Variants in PRICKLE1 observed in about 807,000 individuals in gnomAD.
PRICKLE1 encodes the protein prickle planar cell polarity protein 1, also known as prickle-like protein 1.
A neutral mutation model predicts 70.2 loss-of-function variants in PRICKLE1; 14 were observed. The observed-to-expected ratio is 0.20, with a 90% CI of 0.13 to 0.31. The LOEUF (loss-of-function observed/expected upper bound fraction) is 0.31, where lower values mean the gene tolerates loss of function less well. PRICKLE1 is among the 10% of genes least tolerant of loss of function. PRICKLE1 has a pLI of 1.00. For missense variants in PRICKLE1, 821 were observed against 1,026.2 expected (o/e 0.80, Z 2.73); for synonymous variants, 357 against 379.9 (o/e 0.94, Z 0.70).
chr12:42,583,224 T>C (rs1050237149), intron 1 of PRICKLE1, among the ~76,000 whole-genome samples: 1 of 151,936 alleles, frequency 6.6e-6, no homozygotes, highest in African/African-American at 2.4e-5. Flanking sequence ...CTGGCCAACA[T>C]AGAAAAAGGT....
chr12:42,538,785 G>T (rs1324227946), intron 1 of PRICKLE1, among the ~76,000 whole-genome samples: 2 of 152,152 alleles, frequency 1.3e-5, no homozygotes, highest in Non-Finnish European at 2.9e-5. Context: ...TACAAGGGAA[G>T]TAAGTTTTCC....
chr12:42,461,029 G>C (rs1042895496), intron 7 of PRICKLE1, among the ~76,000 whole-genome samples: 2 of 152,108 alleles, frequency 1.3e-5, no homozygotes, highest in African/African-American at 4.8e-5. Flanking sequence ...TTACAGGCAT[G>C]TGCCACCACA....
intron 1 of PRICKLE1, among the ~76,000 whole-genome samples, chr12:42,504,380 C>T (rs1314234247): frequency 6.6e-6 from 1 of 152,180 alleles, no homozygotes; most frequent in Admixed American, 6.6e-5. Context: ...TCAAAGAATA[C>T]CTGCCTCCAA....
intron 1 of PRICKLE1, among the ~76,000 whole-genome samples, chr12:42,515,770 T>C (rs1593149738): frequency 1.3e-5 from 2 of 152,324 alleles, no homozygotes; most frequent in East Asian, 3.9e-4. Context: ...ATCCTTCACA[T>C]GAGAACTTGT....
chr12:42,486,219 T>C (rs1056562611), intron 1 of PRICKLE1, among the ~76,000 whole-genome samples: 2 of 152,202 alleles, frequency 1.3e-5, no homozygotes, highest in African/African-American at 4.8e-5. Flanking sequence ...CTCCCTCCAT[T>C]TGCAATATTT....
chr12:42,580,899 AGGAAGGAC>A (rs1268828353), intron 1 of PRICKLE1, among the ~76,000 whole-genome samples: 5 of 152,150 alleles, frequency 3.3e-5, no homozygotes, highest in Admixed American at 6.5e-5. Context: ...GAAGGACGGA[AGGAAGGAC>A]GGAAGGACGG....
Position 42,509,673 on chromosome 12 carries a change from T to C in PRICKLE1, c.-48-37109A>G, listed in dbSNP as rs75685256. On this transcript the variant is annotated intron_variant, in intron 1 of 7. Transcript: ENST00000345127. ...CAACATAGCAAGACCTCGTCCTTAATAACAATAATAATAATAATATAAGAC... is the reference window on the plus strand; with the variant it reads ...CAACATAGCAAGACCTCGTCCTTAACAACAATAATAATAATAATATAAGAC... Among the ~76,000 whole-genome samples the C allele has an allele frequency of 7.5e-3, 1,134 of 151,978 alleles. 35 individuals carry two copies. The East Asian group carries it at 0.09, about 12-fold the overall frequency.
intron 1 of PRICKLE1, among the ~76,000 whole-genome samples, chr12:42,561,246 G>A (rs1940508066): frequency 6.6e-6 from 1 of 152,088 alleles, no homozygotes. Flanking sequence ...TGTGTGTGTT[G>A]CAAGCGAAAG....
chr12:42,476,000 T>C (rs1938511857), intron 1 of PRICKLE1, among the ~76,000 whole-genome samples: 1 of 147,468 alleles, frequency 6.8e-6, no homozygotes, highest in African/African-American at 2.5e-5. Flanking sequence ...CTCAGGAGGC[T>C]GAGGGAGGAG....
chr12:42,561,837 C>G (rs971855368), intron 1 of PRICKLE1, among the ~76,000 whole-genome samples: 10 of 152,014 alleles, frequency 6.6e-5, no homozygotes, highest in African/African-American at 2.4e-4. Flanking sequence ...TCATTGAGCT[C>G]CCATCTTACG....
intron 1 of PRICKLE1, among the ~76,000 whole-genome samples, chr12:42,531,141 G>A (rs565539071): frequency 4.6e-5 from 6 of 129,112 alleles, no homozygotes; most frequent in Non-Finnish European, 9.6e-5. Flanking sequence ...CCGCCTCCCA[G>A]GTTCACGCCA....
intron 1 of PRICKLE1, among the ~76,000 whole-genome samples, chr12:42,491,874 C>T (rs12832916): frequency 0.01 from 1,131 of 108,780 alleles, 5 homozygotes; most frequent in Non-Finnish European, 0.015. Flanking sequence ...CCTCCACTTC[C>T]CCGGGTTCAA....
At chr12:42,491,422 G>A (rs562683110) in intron 1 of PRICKLE1, among the ~76,000 whole-genome samples, 1 of 151,548 alleles carries the variant, frequency 6.6e-6, no homozygotes, top group Admixed American at 6.6e-5. Context: ...GCATGGTGGT[G>A]GGTGCCTGTA....
intron 1 of PRICKLE1, among the ~76,000 whole-genome samples, chr12:42,496,177 T>G (rs1939199040): frequency 6.6e-6 from 1 of 152,248 alleles, no homozygotes; most frequent in Non-Finnish European, 1.5e-5. Context: ...TTTGCAAGCA[T>G]GAAAGCAACA....
Position 42,479,295 on chromosome 12 carries a change from CA to C in PRICKLE1, c.-48-6732del, listed in dbSNP as rs1938700296. 2.0e-5 allele frequency among the ~76,000 whole-genome samples: 3 copies of C among 152,338 alleles called. No homozygotes were observed. In the South Asian group the frequency reaches 6.2e-4, roughly 32 times the overall value. ...GCGAGAGCTCTAGCCTTCTGAACGG[CA>C]GACAATTTTGCCAAGTTATTGACCA... On this transcript the variant is annotated intron_variant, in intron 1 of 7. Coordinates refer to ENST00000345127, the MANE Select transcript of PRICKLE1 (RefSeq NM_153026.3).
chr12:42,469,618 C>T, intron 3 of PRICKLE1, 31 bp from the exon 4 acceptor site: 1 of 1,613,428 alleles, frequency 6.2e-7, no homozygotes, highest in Non-Finnish European at 8.5e-7. Context: ...AAACACCACA[C>T]TGAGTGCACA....
At chr12:42,564,136 T>C (rs986233721) in intron 1 of PRICKLE1, among the ~76,000 whole-genome samples, 13 of 151,196 alleles carry the variant, frequency 8.6e-5, no homozygotes, top group Admixed American at 4.0e-4. Context: ...TGTGCACCTG[T>C]AGTCCCAGCT....
chr12:42,574,096 G>T (rs1222731480), intron 1 of PRICKLE1, among the ~76,000 whole-genome samples: 1 of 152,190 alleles, frequency 6.6e-6, no homozygotes, highest in Non-Finnish European at 1.5e-5. Flanking sequence ...AGGGTTGTCA[G>T]GTTAAATACA....
chr12:42,509,797 C>G (rs146125374), intron 1 of PRICKLE1, among the ~76,000 whole-genome samples: 1 of 152,052 alleles, frequency 6.6e-6, no homozygotes, highest in Non-Finnish European at 1.5e-5. Flanking sequence ...AATCATGGCC[C>G]GGCGAGGTGG....
Sources: allele counts gnomAD v4.1 joint callset (sites outside exome capture counted in the v4.1 genomes callset), GRCh38; gene constraint gnomAD v4.1.1; transcripts MANE v1.5; gene names NCBI Gene and HGNC (gene_info 2026-07-23, HGNC 2026-07-21).